The following RBFOX3 variants were observed in gnomAD, a reference collection of about 807,000 sequenced individuals.
The protein encoded by RBFOX3 is RNA binding protein fox-1 homolog 3.
A neutral mutation model predicts 48.7 loss-of-function variants in RBFOX3; 17 were observed. That is an observed-to-expected ratio of 0.35 (90% confidence interval 0.24 to 0.52). The LOEUF (loss-of-function observed/expected upper bound fraction) is 0.52. Ranked by LOEUF, RBFOX3 falls within the 20% of genes least tolerant of loss-of-function variation. The pLI, the probability that RBFOX3 is intolerant of heterozygous loss-of-function variation, is 0.94. For missense variants in RBFOX3, 382 were observed against 497.5 expected, an observed-to-expected ratio of 0.77 and a Z score of 2.21; for synonymous variants, 212 against 209.5, an observed-to-expected ratio of 1.01 and a Z score of -0.10.
At chr17:79,211,278 C>G (rs1032714027) in intron 4 of RBFOX3, among the ~76,000 whole-genome samples, 1 of 152,212 alleles carries the variant, frequency 6.6e-6, no homozygotes, top group Non-Finnish European at 1.5e-5. Context: ...TCAGGATGCT[C>G]ATTTTGGCAC....
chr17:79,310,301 G>A (rs2076671004), intron 2 of RBFOX3, among the ~76,000 whole-genome samples: 2 of 152,128 alleles, frequency 1.3e-5, no homozygotes, highest in South Asian at 2.1e-4. Flanking sequence ...GAGCCTGGGG[G>A]TCCAGGCCCT....
intron 2 of RBFOX3, among the ~76,000 whole-genome samples, chr17:79,438,608 C>A (rs1555732626): frequency 4.6e-5 from 7 of 152,242 alleles, no homozygotes; most frequent in Non-Finnish European, 2.9e-5. Context: ...TCTCCTCTCC[C>A]CTCTAGGAAA....
chr17:79,595,128 C>G (rs974306095), intron 1 of RBFOX3, among the ~76,000 whole-genome samples: 80 of 152,158 alleles, frequency 5.3e-4, no homozygotes, highest in Non-Finnish European at 8.8e-4. Context: ...TGACCCCCAC[C>G]CCCGCCTGGA....
chr17:79,571,660 T>C (rs2092682544), intron 1 of RBFOX3, among the ~76,000 whole-genome samples: 1 of 152,162 alleles, frequency 6.6e-6, no homozygotes, highest in South Asian at 2.1e-4. Flanking sequence ...GAATCTCCAC[T>C]GCAGGATCTC....
In RBFOX3 at chr17:79,226,771, C is replaced by T. The variant is rs539268281; in HGVS notation, c.-34+8995G>A. On this transcript the variant is annotated intron_variant, in intron 4 of 14. Coordinates refer to ENST00000693108, the MANE Select transcript of RBFOX3 (RefSeq NM_001350451.2). The stretch of plus-strand genomic sequence containing the variant: ...AGTCACCAAGGTGGAGGGTCTGGCA[C>T]ACAGGTATTGGATAAAAAATATCAC... Among the ~76,000 whole-genome samples the T allele has an allele frequency of 6.6e-5, 10 of 152,314 alleles. No individual in the cohort carries two copies. In the South Asian group the frequency reaches 2.1e-3, roughly 32 times the overall value.
chr17:79,413,530 G>A (rs941874400), intron 2 of RBFOX3, among the ~76,000 whole-genome samples: 1 of 152,250 alleles, frequency 6.6e-6, no homozygotes, highest in Non-Finnish European at 1.5e-5. Context: ...CTCAGGCCGT[G>A]AGCTCTTCTC....
intron 1 of RBFOX3, among the ~76,000 whole-genome samples, chr17:79,521,007 G>A (rs1252385244): frequency 3.3e-5 from 5 of 152,242 alleles, no homozygotes; most frequent in Non-Finnish European, 7.3e-5. Context: ...GGGAGCACAC[G>A]GGTGAAGCCA....
chr17:79,201,721 A>G (rs1037511854), intron 4 of RBFOX3, among the ~76,000 whole-genome samples: 3 of 152,112 alleles, frequency 2.0e-5, no homozygotes, highest in African/African-American at 7.2e-5. Flanking sequence ...CATGGCCCCC[A>G]TGCCCGCCCA....
chr17:79,270,799 C>A (rs143146395), intron 3 of RBFOX3, among the ~76,000 whole-genome samples: 24 of 152,380 alleles, frequency 1.6e-4, no homozygotes, highest in Admixed American at 7.8e-4. Context: ...GGACAACAGG[C>A]TTTGCCCACT....
intron 1 of RBFOX3, among the ~76,000 whole-genome samples, chr17:79,525,005 A>G (rs1393540574): frequency 6.6e-6 from 1 of 152,218 alleles, no homozygotes. Context: ...ATTCACTGTC[A>G]GAGAGCAACA....
rs553814109 is a variant in RBFOX3 at position 79,249,120 on chromosome 17, G to T, written c.-73-13315C>A. On this transcript the variant is annotated intron_variant, in intron 3 of 14. Transcript: ENST00000693108. The surrounding 1 kb of genome is among the most constrained non-coding windows in gnomAD (Gnocchi z 4.1). ...CCTGCAGCTGACAAAGGACTCCTGA[G>T]GCCACTAACCCTTCCAAGCCCTGCA... is the stretch of plus-strand genomic sequence containing the variant. 1.8e-4 allele frequency among the ~76,000 whole-genome samples: 28 copies of T among 152,306 alleles called. No individual in the cohort carries two copies. The Middle Eastern group carries it at 0.01, about 56-fold the overall frequency.
At chr17:79,516,287 C>G (rs1217484767) in intron 1 of RBFOX3, 1 of 152,240 alleles carries the variant, frequency 6.6e-6, no homozygotes, top group African/African-American at 2.4e-5. Flanking sequence ...TTGAAGAGAA[C>G]GCAGGTGGCC....
intron 1 of RBFOX3, among the ~76,000 whole-genome samples, chr17:79,539,712 A>C (rs1034492167): frequency 9.9e-5 from 15 of 152,212 alleles, no homozygotes; most frequent in African/African-American, 3.1e-4. Flanking sequence ...TCTGTGTTGT[A>C]AGAACAAAGA....
In RBFOX3 at chr17:79,338,305, C is replaced by G. The variant is rs541396560; in HGVS notation, c.-174-30481G>C. Among the ~76,000 whole-genome samples, 52 of 152,214 alleles carry G rather than the reference C, an allele frequency of 3.4e-4. 1 individual carries two copies. Among genetic ancestry groups the G allele is most frequent in the African/African-American group, 1.2e-3 (50 of 41,540 alleles). ...TCTTTTTGATCCTTCCAATTGTCAC[C>G]TGCAATGGTGGGAACACAGACTGGG... On this transcript the variant is annotated intron_variant, in intron 2 of 14. Transcript: ENST00000693108.
intron 4 of RBFOX3, among the ~76,000 whole-genome samples, chr17:79,213,265 A>C (rs1428800981): frequency 6.6e-6 from 1 of 152,218 alleles, no homozygotes; most frequent in African/African-American, 2.4e-5. Flanking sequence ...GTGTTGGAGC[A>C]GGTGGCTCCC....
At chr17:79,439,733 C>T (rs530992381) in intron 2 of RBFOX3, among the ~76,000 whole-genome samples, 1 of 152,244 alleles carries the variant, frequency 6.6e-6, no homozygotes, top group African/African-American at 2.4e-5. Context: ...CACCACACAC[C>T]GTGCATATGC....
chr17:79,400,522 G>A (rs1167493416), intron 2 of RBFOX3, among the ~76,000 whole-genome samples: 1 of 152,082 alleles, frequency 6.6e-6, no homozygotes, highest in East Asian at 1.9e-4. Flanking sequence ...ACGTTCACAG[G>A]TACCAGAGGT....
rs979473197 is a variant in RBFOX3 at position 79,390,173 on chromosome 17, G to C, written c.-174-82349C>G. ...AGCAGCAGTGAAGGGCAAGTCCACA[G>C]AGTTCTGAGGTGTCCAACCTCCGGG... is the stretch of plus-strand genomic sequence containing the variant. On this transcript the variant is annotated intron_variant, in intron 2 of 14. Coordinates refer to ENST00000693108, the MANE Select transcript of RBFOX3 (RefSeq NM_001350451.2). The surrounding 1 kb of genome is among the most constrained non-coding windows in gnomAD (Gnocchi z 4.2). Among the ~76,000 whole-genome samples, 6 of 152,248 alleles carry C rather than the reference G, an allele frequency of 3.9e-5. No individual in the cohort carries two copies. The highest frequency in any genetic ancestry group is 1.4e-4 in the African/African-American group (6 of 41,462).
chr17:79,128,575 G>A (rs1371260662), intron 4 of RBFOX3, among the ~76,000 whole-genome samples: 1 of 152,210 alleles, frequency 6.6e-6, no homozygotes, highest in African/African-American at 2.4e-5. Context: ...CTAACTCCAA[G>A]GTCTGTGGTT....
Sources: gnomAD v4.1 joint callset for allele counts (sites outside exome capture counted in the v4.1 genomes callset) on GRCh38, gnomAD v4.1.1 for gene constraint, Gnocchi (gnomAD v3.1) non-coding constraint, MANE v1.5 for transcripts, NCBI Gene and HGNC (gene_info 2026-07-23, HGNC 2026-07-21) for gene names.